Variants in KLF11 observed in about 807,000 individuals in gnomAD.
KLF11 encodes KLF transcription factor 11, also known as Krueppel-like factor 11.
A neutral mutation model predicts 29.9 loss-of-function variants in KLF11; 26 were observed. The observed-to-expected ratio is 0.87, with a 90% CI of 0.64 to 1.21. The LOEUF (loss-of-function observed/expected upper bound fraction) is 1.21, where lower values mean the gene tolerates loss of function less well. Among genes scored for constraint, KLF11 ranks in the 50% most tolerant of loss-of-function variants. The pLI is 0.00. For synonymous variants in KLF11, 318 were observed against 257.4 expected (o/e 1.24, Z -2.25); for missense variants, 778 against 665.7 (o/e 1.17, Z -1.86).
intron 1 of KLF11, among the ~76,000 whole-genome samples, chr2:10,045,060 C>T (rs190604765): frequency 6.6e-6 from 1 of 152,148 alleles, no homozygotes; most frequent in Non-Finnish European, 1.5e-5. Context: ...GCAGGAGAGT[C>T]GCTTGAACCT....
intron 2 of KLF11, among the ~76,000 whole-genome samples, chr2:10,047,278 A>C (rs1661236719): frequency 6.6e-6 from 1 of 152,242 alleles, no homozygotes; most frequent in African/African-American, 2.4e-5. Context: ...GGTTGCTAAC[A>C]GAAGTGGAAA....
In KLF11 at chr2:10,052,953, C is replaced by G; in HGVS notation, c.*446C>G. 1 of 342,152 alleles carries G rather than the reference C, an allele frequency of 2.9e-6. No homozygotes were observed. 21.2% of individuals were successfully genotyped at this position (342,152 alleles called of 1,614,324 possible). Reference sequence around the variant, plus strand: ...CTAGATCATTTTGCAGCCTTCTTTTCAGTGTTTAATAACAAAGTTTTTCCT... The same window carrying G: ...CTAGATCATTTTGCAGCCTTCTTTTGAGTGTTTAATAACAAAGTTTTTCCT... On this transcript the variant is annotated 3_prime_UTR_variant, in exon 4 of 4. Coordinates refer to ENST00000305883, the MANE Select transcript of KLF11 (RefSeq NM_003597.5).
intron 1 of KLF11, among the ~76,000 whole-genome samples, chr2:10,045,701 A>ACTC (rs1251548561): frequency 6.6e-6 from 1 of 152,224 alleles, no homozygotes; most frequent in Non-Finnish European, 1.5e-5. Context: ...ATCTGTAGGG[A>ACTC]CACTGCTTTG....
Position 10,048,131 on chromosome 2 carries a change from A to G in KLF11, c.794A>G (p.Glu265Gly). Residue 265 changes from glutamate to glycine, a missense_variant, in exon 3 of 4, where the codon GAA (glutamate) becomes GGA (glycine). Physicochemically the swap from Glu to Gly is moderately conservative, Grantham distance 98. Coordinates refer to ENST00000305883, the MANE Select transcript of KLF11 (RefSeq NM_003597.5). ...CAGACTTGCTCACCAAAGAATTATG[A>G]AAATGACCTGCCCAGGAAAACCACC... Reference protein sequence around the residue: ...AVQTCSPKNYENDLPRKTTPL... With the variant: ...AVQTCSPKNYGNDLPRKTTPL... 1 of 1,614,168 alleles carries G rather than the reference A, an allele frequency of 6.2e-7. No individual in the cohort carries two copies.
chr2:10,050,858 T>G (rs1398947579), intron 3 of KLF11, among the ~76,000 whole-genome samples: 2 of 150,660 alleles, frequency 1.3e-5, no homozygotes, highest in Non-Finnish European at 3.0e-5. Flanking sequence ...GAAAAATATT[T>G]AAATTGGAGT....
chr2:10,048,088 G>A lies in KLF11; in HGVS notation c.751G>A (p.Gly251Arg). Residue 251 changes from glycine to arginine, a missense_variant, in exon 3 of 4, where the codon GGG (glycine) becomes AGG (arginine). Coordinates refer to ENST00000305883, the MANE Select transcript of KLF11 (RefSeq NM_003597.5). ...LLLTDKGQQA[G>R]WPGAVQTCSP... ...GCTCACTGACAAAGGCCAGCAGGCAGGGTGGCCTGGTGCAGTTCAGACTTG... is the reference window on the plus strand; with the variant it reads ...GCTCACTGACAAAGGCCAGCAGGCAAGGTGGCCTGGTGCAGTTCAGACTTG... 1 of 1,614,192 alleles carries A rather than the reference G, an allele frequency of 6.2e-7. No homozygotes were observed. The highest frequency in any genetic ancestry group is 1.1e-5 in the South Asian group (1 of 91,084).
intron 1 of KLF11, among the ~76,000 whole-genome samples, 162 bp from the exon 2 acceptor site, chr2:10,045,988 C>G (rs1032784338): frequency 2.0e-5 from 3 of 152,246 alleles, no homozygotes. Flanking sequence ...CATGAGCATT[C>G]CTTGAATGTC....
At position 10,047,996 on chromosome 2, in the gene KLF11, C is replaced by G. The variant is rs34336420; in HGVS notation, c.659C>G (p.Thr220Arg). ...GAAACTTTGCAGGACACACACCTCA[C>G]GGACAGTTTACTCAGCACTAACTTG... Reference protein sequence around the residue: ...HFETLQDTHLTDSLLSTNLVS... With the variant: ...HFETLQDTHLRDSLLSTNLVS... The change falls in exon 3 of 4, where the codon ACG becomes AGG. Residue 220 changes from threonine to arginine, a missense_variant. Coordinates refer to ENST00000305883, the MANE Select transcript of KLF11 (RefSeq NM_003597.5). 1.2e-6 allele frequency: 2 copies of G among 1,614,082 alleles called. No individual in the cohort carries two copies. Among genetic ancestry groups the G allele is most frequent in the East Asian group, 2.2e-5 (1 of 44,890 alleles).
chr2:10,046,261 G>T lies in KLF11; in HGVS notation c.154G>T (p.Val52Phe). The change falls in exon 2 of 4, where the codon GTT becomes TTT. Residue 52 changes from valine to phenylalanine, a missense_variant. Transcript: ENST00000305883. ...AGACATGGAAGCTGTCGAGGCTCTT[G>T]TTTGTATGAGCTCCTGGGGTCAAAG... ...QTDMEAVEAL[V>F]CMSSWGQRSQ... The T allele has an allele frequency of 6.2e-7, 1 of 1,614,168 alleles. No individual in the cohort carries two copies. Among genetic ancestry groups the T allele is most frequent in the South Asian group, 1.1e-5 (1 of 91,084 alleles).
chr2:10,049,487 C>T (rs1286087829), intron 3 of KLF11, among the ~76,000 whole-genome samples: 1 of 152,224 alleles, frequency 6.6e-6, no homozygotes, highest in Admixed American at 6.5e-5. Context: ...AACTCTACTA[C>T]TCCATTCTAC....
chr2:10,051,444 T>G (rs1034662205), intron 3 of KLF11, among the ~76,000 whole-genome samples: 32 of 152,248 alleles, frequency 2.1e-4, no homozygotes, highest in African/African-American at 7.5e-4. Context: ...TGACCTCAGG[T>G]GGTCTGCCCG....
rs780908731 is a variant in KLF11, at chr2:10,046,340, CT to C, written c.234del (p.Asp80MetfsTer27). 16 of 1,614,082 alleles carry C rather than the reference CT, an allele frequency of 9.9e-6. No individual in the cohort carries two copies. The highest frequency in any genetic ancestry group is 1.4e-5 in the Non-Finnish European group (16 of 1,180,044). On this transcript the variant is annotated frameshift_variant, in exon 2 of 4. Transcript: ENST00000305883. LOFTEE classifies it high-confidence loss of function. The stretch of plus-strand genomic sequence containing the variant: ...AGACCCCTCACGCCTGTCTCTGACT[CT>C]GGGGATGTCACCACCACTGTGCATA... ...RIRPLTPVSD[S>X]GDVTTTVHMD...
Position 10,052,816 on chromosome 2 carries a change from T to A in KLF11, c.*309T>A. 1 of 410,868 alleles carries A rather than the reference T, an allele frequency of 2.4e-6. No homozygotes were observed. The highest frequency in any genetic ancestry group is 4.1e-5 in the South Asian group (1 of 24,192). The allele number at this position is 410,868 out of a possible 1,614,324, so 25.5% of individuals were successfully genotyped here. ...GGCAATAAAGTTTACAAAATCTGGA[T>A]TTTTACAACCTTTTCTATTGATGTT... On this transcript the variant is annotated 3_prime_UTR_variant, in exon 4 of 4. Coordinates refer to ENST00000305883, the MANE Select transcript of KLF11 (RefSeq NM_003597.5).
chr2:10,048,530 T>C lies in KLF11; in HGVS notation c.1193T>C (p.Phe398Ser), dbSNP rs1158219282. The part of the protein sequence containing the change: ...FSRRRNYVCS[F>S]PGCRKTYFKS... ...CGAAGGAGGAACTATGTATGCAGCT[T>C]CCCAGGTTGCCGGAAGACCTACTTC... is the stretch of plus-strand genomic sequence containing the variant. Residue 398 changes from phenylalanine to serine, a missense_variant, in exon 3 of 4, where the codon TTC becomes TCC. Physicochemically the swap from Phe to Ser is radical, Grantham distance 155 (BLOSUM62 -2). Transcript: ENST00000305883. 2 of 1,612,078 alleles carry C rather than the reference T, an allele frequency of 1.2e-6. No individual in the cohort carries two copies. The highest frequency in any genetic ancestry group is 8.5e-7 in the Non-Finnish European group (1 of 1,180,044).
Position 10,053,036 on chromosome 2 carries a change from T to C in KLF11, c.*529T>C. ...ATTCCACTACAAAAACCACAAGTTA[T>C]CTGGCCTTTTAGATCTTTTTGGAAT... On this transcript the variant is annotated 3_prime_UTR_variant, in exon 4 of 4. Coordinates refer to ENST00000305883, the MANE Select transcript of KLF11 (RefSeq NM_003597.5). 2.6e-6 allele frequency: 1 copy of C among 390,478 alleles called. No individual in the cohort carries two copies. The highest frequency in any genetic ancestry group is 4.5e-6 in the Non-Finnish European group (1 of 221,684). 24.2% of individuals were successfully genotyped at this position (390,478 alleles called of 1,614,324 possible).
rs386389509 is a variant in KLF11 at position 10,050,892 on chromosome 2, C to CTTTTTTTTTTTTTTTTTTT, written c.1259-1326_1259-1308dup. On this transcript the variant is annotated intron_variant, in intron 3 of 3. Coordinates refer to ENST00000305883, the MANE Select transcript of KLF11 (RefSeq NM_003597.5). ...GTAAGGTAGAGTGAATAGATGCTAC[C>CTTTTTTTTTTTTTTTTTTT]TTTTTTTTTTTTTTTTTTTTTTTTT... Among the ~76,000 whole-genome samples, 6 of 54,824 alleles carry CTTTTTTTTTTTTTTTTTTT rather than the reference C, an allele frequency of 1.1e-4. 3 individuals are homozygous for CTTTTTTTTTTTTTTTTTTT. The highest frequency in any genetic ancestry group is 1.9e-4 in the Non-Finnish European group (6 of 31,902). 36.0% of individuals were successfully genotyped at this position (54,824 alleles called of 152,430 possible). A position where few individuals can be genotyped will look rare whatever the true frequency, so the allele number is the denominator to read the frequency against.
intron 1 of KLF11, 54 bp downstream of exon 1, chr2:10,043,812 G>C (rs1362894966): frequency 1.4e-5 from 18 of 1,328,876 alleles, no homozygotes; most frequent in African/African-American, 3.1e-5. Context: ...GGGGCGAGGC[G>C]GGGGAAGTGG....
At position 10,048,468 on chromosome 2, in the gene KLF11, C is replaced by T. The variant is rs137865082; in HGVS notation, c.1131C>T (p.Thr377=). ...TTGCCCCTGCTCCAGTGTTCATCAC[C>T]TCTAGCCAAAACTGTGTCCCTCAGG... ...LPLAPAPVFI[T]SSQNCVPQVD... is the part of the protein sequence containing the mutation. Residue 377 remains threonine (T), a synonymous_variant, in exon 3 of 4, where the codon ACC becomes ACT. Coordinates refer to ENST00000305883, the MANE Select transcript of KLF11 (RefSeq NM_003597.5). The T allele has an allele frequency of 3.8e-5, 62 of 1,613,968 alleles. No individual in the cohort carries two copies. Among genetic ancestry groups the T allele is most frequent in the Middle Eastern group, 1.6e-4 (1 of 6,084 alleles).
At chr2:10,043,980 G>C (rs1378433724) in intron 1 of KLF11, 1 of 871,908 alleles carries the variant, frequency 1.1e-6, no homozygotes, top group South Asian at 5.2e-5. Context: ...CGTGTTCCCC[G>C]CGCAGCTTTG....
Sources: gnomAD v4.1 joint callset for allele counts (sites outside exome capture counted in the v4.1 genomes callset) on GRCh38, gnomAD v4.1.1 for gene constraint, MANE v1.5 for transcripts, NCBI Gene and HGNC (gene_info 2026-07-23, HGNC 2026-07-21) for gene names.